The following DTD1 variants were observed in gnomAD, a reference collection of about 807,000 sequenced individuals.
DTD1 encodes D-tyrosyl-tRNA deacylase 1 homolog.
A neutral mutation model predicts 25.6 loss-of-function variants in DTD1; 13 were observed. The observed-to-expected ratio is 0.51, with a 90% confidence interval of 0.33 to 0.81. The LOEUF (loss-of-function observed/expected upper bound fraction) is 0.81, where lower values mean the gene tolerates loss of function less well. Among genes scored for constraint, DTD1 ranks in the 30% least tolerant of loss-of-function variants. The pLI is 0.02. For missense variants in DTD1, 193 were observed against 266.4 expected, an observed-to-expected ratio of 0.72 and a Z score of 1.92; for synonymous variants, 110 against 103.6, an observed-to-expected ratio of 1.06 and a Z score of -0.37.
At chr20:18,712,336 C>G (rs2061162579) in intron 4 of DTD1, among the ~76,000 whole-genome samples, 1 of 126,386 alleles carries the variant, frequency 7.9e-6, no homozygotes, top group African/African-American at 3.0e-5. Context: ...AAATTCTTTC[C>G]TTTGTGACCA....
intron 3 of DTD1, among the ~76,000 whole-genome samples, chr20:18,626,124 G>A (rs149021082): frequency 6.6e-6 from 1 of 152,226 alleles, no homozygotes; most frequent in Non-Finnish European, 1.5e-5. Context: ...CATGACAATA[G>A]TAATAATAGT....
chr20:18,706,912 T>G (rs2061128827), intron 4 of DTD1, among the ~76,000 whole-genome samples: 1 of 152,254 alleles, frequency 6.6e-6, no homozygotes, highest in African/African-American at 2.4e-5. Context: ...TGTTTCGGAA[T>G]TTAGCAGGTG....
chr20:18,717,221 G>C (rs182112430), intron 4 of DTD1, among the ~76,000 whole-genome samples: 7 of 152,326 alleles, frequency 4.6e-5, no homozygotes, highest in Non-Finnish European at 8.8e-5. Context: ...GCATCACATG[G>C]TGTTTTAAGT....
intron 4 of DTD1, among the ~76,000 whole-genome samples, chr20:18,691,770 TAAGAA>T (rs1215447849): frequency 1.3e-5 from 2 of 151,976 alleles, no homozygotes; most frequent in African/African-American, 4.8e-5. Context: ...AAAATAAAAT[TAAGAA>T]AAGAAAAATT....
chr20:18,630,879 T>C (rs1017504865), intron 4 of DTD1: 1 of 167,280 alleles, frequency 6.0e-6, no homozygotes, highest in African/African-American at 2.4e-5. Context: ...ATTGAGGTAA[T>C]ACATGTTGAC....
rs71331837 is a variant in DTD1, at chr20:18,708,309, T to C, written c.478-35791T>C. Among the ~76,000 whole-genome samples the C allele has an allele frequency of 3.3e-3, 147 of 44,110 alleles. 9 individuals are homozygous for C. Among genetic ancestry groups the C allele is most frequent in the Non-Finnish European group, 5.0e-3 (120 of 23,870 alleles). The allele number at this position is 44,110 out of a possible 152,430, so 28.9% of individuals were successfully genotyped here. ...ATTATATATATATAATATATATATTTTATATATATATTATATATATATATT... is the reference window on the plus strand; with the variant it reads ...ATTATATATATATAATATATATATTCTATATATATATTATATATATATATT... On this transcript the variant is annotated intron_variant, in intron 4 of 5. Coordinates refer to ENST00000377452, the MANE Select transcript of DTD1 (RefSeq NM_080820.6).
chr20:18,761,418 G>T (rs1392039214), intron 5 of DTD1, among the ~76,000 whole-genome samples: 1 of 152,078 alleles, frequency 6.6e-6, no homozygotes, highest in Admixed American at 6.5e-5. Flanking sequence ...TTCTAAACAG[G>T]TAATTCTACA....
At chr20:18,597,201 A>G (rs1436493040) in intron 3 of DTD1, among the ~76,000 whole-genome samples, 2 of 134,042 alleles carry the variant, frequency 1.5e-5, no homozygotes, top group African/African-American at 2.8e-5. Context: ...GTGTGTGTGT[A>G]TAGAGAGAAG....
intron 4 of DTD1, among the ~76,000 whole-genome samples, chr20:18,690,116 A>AC (rs1176726972): frequency 6.7e-6 from 1 of 148,276 alleles, no homozygotes; most frequent in African/African-American, 2.5e-5. Flanking sequence ...AGCCTGGGTG[A>AC]CAGAGCAAGA....
intron 4 of DTD1, chr20:18,643,671 TC>T (rs1222830006): frequency 6.6e-6 from 1 of 152,436 alleles, no homozygotes; most frequent in Non-Finnish European, 1.5e-5. Flanking sequence ...AGGATCCAGT[TC>T]AGAATCATGC....
chr20:18,668,842 G>A (rs2060941583), intron 4 of DTD1, among the ~76,000 whole-genome samples: 2 of 152,156 alleles, frequency 1.3e-5, no homozygotes, highest in African/African-American at 4.8e-5. Context: ...CTGAATGTGA[G>A]GTCATTTAAA....
At chr20:18,707,278 C>T (rs2061130432) in intron 4 of DTD1, among the ~76,000 whole-genome samples, 1 of 152,206 alleles carries the variant, frequency 6.6e-6, no homozygotes, top group African/African-American at 2.4e-5. Context: ...AGACCTGTTT[C>T]ATCTCATTTC....
chr20:18,649,904 C>CA (rs1221119607), intron 4 of DTD1, among the ~76,000 whole-genome samples: 1 of 152,186 alleles, frequency 6.6e-6, no homozygotes, highest in Non-Finnish European at 1.5e-5. Flanking sequence ...ACTTCACCTA[C>CA]AAAACACACA....
At chr20:18,760,507 C>T (rs1038568349) in intron 5 of DTD1, among the ~76,000 whole-genome samples, 3 of 152,162 alleles carry the variant, frequency 2.0e-5, no homozygotes, top group Admixed American at 6.5e-5. Flanking sequence ...CCACTCCAGA[C>T]CCTGTTTGCC....
intron 1 of DTD1, among the ~76,000 whole-genome samples, chr20:18,588,568 TG>T (rs1032926258): frequency 1.3e-5 from 2 of 152,200 alleles, no homozygotes; most frequent in Admixed American, 6.5e-5. Context: ...CCAATTTTTA[TG>T]GGGCTTGACT....
chr20:18,717,381 C>T (rs1320587967), intron 4 of DTD1, among the ~76,000 whole-genome samples: 2 of 152,148 alleles, frequency 1.3e-5, no homozygotes, highest in Non-Finnish European at 2.9e-5. Flanking sequence ...TTCTTGACTG[C>T]AAATGGTGCC....
chr20:18,730,118 G>A (rs1436752904), intron 4 of DTD1, among the ~76,000 whole-genome samples: 1 of 151,998 alleles, frequency 6.6e-6, no homozygotes, highest in Non-Finnish European at 1.5e-5. Flanking sequence ...TGTGGTTTTT[G>A]TTTACTGCAG....
chr20:18,663,373 A>C (rs1426500758), intron 4 of DTD1, among the ~76,000 whole-genome samples: 2 of 152,110 alleles, frequency 1.3e-5, no homozygotes, highest in Non-Finnish European at 2.9e-5. Flanking sequence ...AAAAATATAC[A>C]AAGTTTCCAT....
At chr20:18,644,424 A>C (rs530742381) in intron 4 of DTD1, among the ~76,000 whole-genome samples, 1 of 152,356 alleles carries the variant, frequency 6.6e-6, no homozygotes, top group African/African-American at 2.4e-5. Context: ...CCTCAAAACT[A>C]TGTAGCTTTC....
Sources: allele counts gnomAD v4.1 joint callset (sites outside exome capture counted in the v4.1 genomes callset), GRCh38; gene constraint gnomAD v4.1.1; transcripts MANE v1.5; gene names NCBI Gene and HGNC (gene_info 2026-07-23, HGNC 2026-07-21).